Variants in ZCWPW2 observed in about 807,000 individuals in gnomAD.
ZCWPW2 encodes zinc finger CW-type and PWWP domain containing 2.
A neutral mutation model predicts 46.6 loss-of-function variants in ZCWPW2; 45 were observed. That is an observed-to-expected ratio of 0.96 (90% confidence interval 0.76 to 1.24). The LOEUF (loss-of-function observed/expected upper bound fraction) is 1.24, where lower values mean the gene tolerates loss of function less well. Among genes scored for constraint, ZCWPW2 ranks in the 50% most tolerant of loss-of-function variants. The pLI is 0.00. For synonymous variants in ZCWPW2, 152 were observed against 137.1 expected (o/e 1.11, Z -0.76); for missense variants, 429 against 403.9 (o/e 1.06, Z -0.53).
At chr3:28,358,715 TAAA>T (rs1476444186) in intron 1 of ZCWPW2, among the ~76,000 whole-genome samples, 1 of 152,098 alleles carries the variant, frequency 6.6e-6, no homozygotes, top group Non-Finnish European at 1.5e-5. Flanking sequence ...GTACTTGAAA[TAAA>T]AAGGTTTTTC....
At chr3:28,448,583 G>A (rs1231156262) in intron 4 of ZCWPW2, among the ~76,000 whole-genome samples, 3 of 151,464 alleles carry the variant, frequency 2.0e-5, no homozygotes, top group South Asian at 2.1e-4. Flanking sequence ...CCAGGAGTTC[G>A]AGACCCGCCT....
rs71087697 is a variant in ZCWPW2 at position 28,421,834 on chromosome 3, T to TTGTGTGTGTGTGTGTG, written c.332+8462_332+8477dup. 1.0e-4 allele frequency among the ~76,000 whole-genome samples: 14 copies of TTGTGTGTGTGTGTGTG among 133,912 alleles called. No homozygotes were observed. The East Asian group carries it at 1.3e-3, about 13-fold the overall frequency. The allele number at this position is 133,912 out of a possible 152,430, so 87.9% of individuals were successfully genotyped here. On this transcript the variant is annotated intron_variant, in intron 3 of 9. Coordinates refer to ENST00000383768, the MANE Select transcript of ZCWPW2 (RefSeq NM_001040432.4). ...TGAGAACCATATGTTGGAGAATAGTTTGTGTGTGTGTGTGTGTGTGTGTGT... is the reference window on the plus strand; with the variant it reads ...TGAGAACCATATGTTGGAGAATAGTTTGTGTGTGTGTGTGTGTGTGTGTGTGTGTGTGTGTGTGTGT...
At chr3:28,483,623 A>T (rs1276260304) in intron 5 of ZCWPW2, among the ~76,000 whole-genome samples, 1 of 152,184 alleles carries the variant, frequency 6.6e-6, no homozygotes, top group Non-Finnish European at 1.5e-5. Flanking sequence ...TGAATGTGGA[A>T]TATCTTCAAG....
intron 1 of ZCWPW2, among the ~76,000 whole-genome samples, chr3:28,384,610 C>CTTTTTTT (rs201820223): frequency 7.0e-6 from 1 of 143,528 alleles, no homozygotes. Context: ...ACCAATCTTT[C>CTTTTTTT]TTTCTTTTTT....
intron 4 of ZCWPW2, among the ~76,000 whole-genome samples, chr3:28,466,350 G>GA (rs979483594): frequency 6.6e-6 from 1 of 151,894 alleles, no homozygotes; most frequent in Non-Finnish European, 1.5e-5. Flanking sequence ...AAGTTGGAAG[G>GA]AAAAAATAAA....
chr3:28,447,926 C>G, intron 4 of ZCWPW2: 1 of 784,368 alleles, frequency 1.3e-6, no homozygotes, highest in South Asian at 1.4e-5. Context: ...ATGAGATTGT[C>G]CAAAACAAAA....
At chr3:28,436,689 A>G (rs760787419) in intron 4 of ZCWPW2, among the ~76,000 whole-genome samples, 43 of 152,044 alleles carry the variant, frequency 2.8e-4, no homozygotes, top group Non-Finnish European at 4.9e-4. Context: ...TTTTGTGAAA[A>G]CATTAAGTAT....
rs150322873 is a variant in ZCWPW2 at position 28,520,971 on chromosome 3, G to A, written c.785-21G>A. On this transcript the variant is annotated intron_variant, in intron 8 of 9. Transcript: ENST00000383768. ...TTAAGTGAGATGTAGCATTTTTACTGTATTAATCCTGTTTTTTTAGTTGTC... is the reference window on the plus strand; with the variant it reads ...TTAAGTGAGATGTAGCATTTTTACTATATTAATCCTGTTTTTTTAGTTGTC... The A allele has an allele frequency of 3.9e-4, 635 of 1,612,426 alleles. 3 individuals carry two copies. The African/African-American group carries it at 7.2e-3, about 18-fold the overall frequency.
chr3:28,367,816 A>T (rs1000617850), intron 1 of ZCWPW2, among the ~76,000 whole-genome samples: 3 of 152,118 alleles, frequency 2.0e-5, no homozygotes, highest in African/African-American at 7.2e-5. Flanking sequence ...TTGCTTTATG[A>T]ATCTGGGTGC....
In ZCWPW2 at chr3:28,377,067, G is replaced by A. The variant is rs552418901; in HGVS notation, c.-133-13431G>A. 5.6e-5 allele frequency among the ~76,000 whole-genome samples: 8 copies of A among 142,812 alleles called. No individual in the cohort carries two copies. The South Asian group carries it at 8.8e-4, about 16-fold the overall frequency. 93.7% of individuals were successfully genotyped at this position (142,812 alleles called of 152,430 possible). ...TTTTCCAATATTGAACTCACTGCAT[G>A]ATGATTTTTTTTTTTGTATTTTGTT... On this transcript the variant is annotated intron_variant, in intron 1 of 9. Transcript: ENST00000383768.
chr3:28,444,007 A>C (rs1449380806), intron 4 of ZCWPW2, among the ~76,000 whole-genome samples: 2 of 152,174 alleles, frequency 1.3e-5, no homozygotes, highest in African/African-American at 4.8e-5. Context: ...TCCATGTTTC[A>C]TGTGACCAAG....
intron 4 of ZCWPW2, among the ~76,000 whole-genome samples, chr3:28,454,002 G>A (rs1199634694): frequency 1.3e-5 from 2 of 151,196 alleles, no homozygotes; most frequent in African/African-American, 2.4e-5. Flanking sequence ...CCGCCACCAC[G>A]CCCGGCTAAT....
At chr3:28,387,725 G>A (rs1228170381) in intron 1 of ZCWPW2, among the ~76,000 whole-genome samples, 1 of 152,142 alleles carries the variant, frequency 6.6e-6, no homozygotes, top group Non-Finnish European at 1.5e-5. Context: ...CAAAATAAAA[G>A]CTGTCTGCCC....
intron 2 of ZCWPW2, among the ~76,000 whole-genome samples, chr3:28,404,646 T>A (rs1432979200): frequency 1.3e-5 from 2 of 151,778 alleles, no homozygotes; most frequent in Non-Finnish European, 2.9e-5. Context: ...AATCAATGAG[T>A]GGATAAAGAA....
At chr3:28,413,695 T>G (rs1696505023) in intron 3 of ZCWPW2, among the ~76,000 whole-genome samples, 1 of 152,130 alleles carries the variant, frequency 6.6e-6, no homozygotes, top group Non-Finnish European at 1.5e-5. Context: ...ATTATTCATT[T>G]TGAAATATTT....
intron 1 of ZCWPW2, among the ~76,000 whole-genome samples, chr3:28,350,557 T>C (rs1010153106): frequency 2.6e-5 from 4 of 152,182 alleles, no homozygotes; most frequent in Non-Finnish European, 4.4e-5. Context: ...TTTAGTCAAG[T>C]AAAACATCTT....
chr3:28,414,096 G>T (rs1046195610), intron 3 of ZCWPW2, among the ~76,000 whole-genome samples: 4 of 151,762 alleles, frequency 2.6e-5, no homozygotes, highest in Non-Finnish European at 5.9e-5. Flanking sequence ...TATTTGTTCT[G>T]TTGCATTGCT....
intron 4 of ZCWPW2, among the ~76,000 whole-genome samples, chr3:28,455,826 A>C (rs937702254): frequency 6.6e-6 from 1 of 151,794 alleles, no homozygotes; most frequent in African/African-American, 2.4e-5. Context: ...GTTCTTTATT[A>C]TGTTTCATTG....
intron 3 of ZCWPW2, among the ~76,000 whole-genome samples, chr3:28,417,734 C>T (rs1423114910): frequency 2.9e-4 from 30 of 104,054 alleles, no homozygotes; most frequent in African/African-American, 1.2e-3. Context: ...TAAACGTACT[C>T]CAGCATATAA....
Sources: gnomAD v4.1 joint callset for allele counts (sites outside exome capture counted in the v4.1 genomes callset) on GRCh38, gnomAD v4.1.1 for gene constraint, MANE v1.5 for transcripts, NCBI Gene and HGNC (gene_info 2026-07-23, HGNC 2026-07-21) for gene names.